RP1: variants seen among roughly 807,000 people sequenced by gnomAD.
The protein encoded by RP1 is oxygen-regulated protein 1.
In RP1, 16 loss-of-function variants were observed where a neutral mutation model predicts 14.8. The observed-to-expected ratio is 1.08, with a 90% CI of 0.73 to 1.65. The LOEUF (loss-of-function observed/expected upper bound fraction) is 1.65. Among genes scored for constraint, RP1 ranks in the 40% most tolerant of loss-of-function variants. The probability of loss-of-function intolerance (pLI) is 0.00; values close to 1 mark genes in which losing one functional copy is unlikely to be tolerated. For synonymous variants in RP1, 876 were observed against 883.6 expected, an observed-to-expected ratio of 0.99 and a Z score of 0.15; for missense variants, 2,631 against 2,535.0, an observed-to-expected ratio of 1.04 and a Z score of -0.81.
intron 12 of RP1, among the ~76,000 whole-genome samples, chr8:54,683,254 T>G (rs2129336467): frequency 6.6e-6 from 1 of 152,326 alleles, no homozygotes; most frequent in Middle Eastern, 3.4e-3. Context: ...AGCTTTGTTC[T>G]TTTTGTTTAG....
chr8:54,812,070 A>G (rs115913304), intron 24 of RP1, among the ~76,000 whole-genome samples: 5,993 of 152,376 alleles, frequency 0.039, 150 homozygotes, highest in African/African-American at 0.068. Flanking sequence ...ACCATACTAT[A>G]TCGAGACCAA....
intron 1 of RP1, among the ~76,000 whole-genome samples, chr8:54,581,420 G>T (rs1281091795): frequency 2.6e-5 from 4 of 152,158 alleles, no homozygotes; most frequent in Non-Finnish European, 4.4e-5. Flanking sequence ...GGACATTTGG[G>T]TTGGTTCCAA....
chr8:54,636,537 A>G (rs990490184), intron 3 of RP1, among the ~76,000 whole-genome samples: 2 of 152,204 alleles, frequency 1.3e-5, no homozygotes, highest in Non-Finnish European at 2.9e-5. Flanking sequence ...CAGGAGTTCA[A>G]GACCAGCCTG....
At chr8:54,785,852 A>C (rs1401406169) in intron 24 of RP1, among the ~76,000 whole-genome samples, 1 of 152,074 alleles carries the variant, frequency 6.6e-6, no homozygotes, top group Non-Finnish European at 1.5e-5. Flanking sequence ...TATCTATTCA[A>C]ATGACTTGCC....
chr8:54,581,868 A>AT (rs1351630603), intron 1 of RP1, among the ~76,000 whole-genome samples: 1 of 151,942 alleles, frequency 6.6e-6, no homozygotes, highest in Non-Finnish European at 1.5e-5. Flanking sequence ...TTTCTTGTAC[A>AT]TTTGTTTGAG....
rs114419611 is a variant in RP1 at position 54,811,031 on chromosome 8, A to G, written c.3616-26419A>G. On this transcript the variant is annotated intron_variant, in intron 24 of 28. Coordinates refer to the RP1 transcript ENST00000637698. ...ATATAGAGAATTAAGAGATAGCAGAATAAACCCTTGTTGGTTGTTTCTAGG... is the reference window on the plus strand; with the variant it reads ...ATATAGAGAATTAAGAGATAGCAGAGTAAACCCTTGTTGGTTGTTTCTAGG... Among the ~76,000 whole-genome samples the G allele has an allele frequency of 4.3e-3, 653 of 152,368 alleles. 8 individuals carry two copies. Among genetic ancestry groups the G allele is most frequent in the African/African-American group, 0.015 (627 of 41,588 alleles).
chr8:54,623,751 T>C (rs1805946145), intron 3 of RP1, among the ~76,000 whole-genome samples: 1 of 152,248 alleles, frequency 6.6e-6, no homozygotes, highest in Non-Finnish European at 1.5e-5. Flanking sequence ...AAGTGCATGC[T>C]AAATAATTAG....
chr8:54,630,072 G>A lies in RP1; in HGVS notation c.6190G>A (p.Ala2064Thr), dbSNP rs1330153982. 6.2e-7 allele frequency: 1 copy of A among 1,613,950 alleles called. No homozygotes were observed. Among genetic ancestry groups the A allele is most frequent in the Non-Finnish European group, 8.5e-7 (1 of 1,179,932 alleles). The change falls in exon 4 of 4, where the codon GCA becomes ACA. Residue 2064 changes from alanine to threonine, a missense_variant. By Grantham distance (58) the Ala-to-Thr change is moderately conservative. Transcript: ENST00000220676. ...LSGQTNEIFK[A>T]VDENNNLLNN... The stretch of plus-strand genomic sequence containing the variant: ...CGGTCAGACAAATGAAATCTTTAAA[G>A]CAGTCGATGAGAATAACAACTTATT...
At chr8:54,867,886 G>C (rs762495002) in intron 28 of RP1, among the ~76,000 whole-genome samples, 24 of 152,056 alleles carry the variant, frequency 1.6e-4, no homozygotes, top group Non-Finnish European at 2.2e-4. Context: ...GGTTGTACTA[G>C]CTACATTTCT....
chr8:54,708,308 C>G (rs2129345758), intron 15 of RP1, among the ~76,000 whole-genome samples: 1 of 151,366 alleles, frequency 6.6e-6, no homozygotes, highest in South Asian at 2.1e-4. Flanking sequence ...TGGTTGCTCA[C>G]TTTCTATTTA....
intron 17 of RP1, among the ~76,000 whole-genome samples, chr8:54,732,436 A>C (rs1808814587): frequency 6.6e-6 from 1 of 152,170 alleles, no homozygotes; most frequent in African/African-American, 2.4e-5. Context: ...GACTCTCATT[A>C]GTTATCTTTC....
intron 24 of RP1, among the ~76,000 whole-genome samples, chr8:54,823,153 C>T (rs1451222924): frequency 6.6e-6 from 1 of 152,108 alleles, no homozygotes; most frequent in East Asian, 1.9e-4. Flanking sequence ...ACTATTCCAT[C>T]CTGAGAAAGC....
chr8:54,582,468 A>G (rs1804818654), intron 1 of RP1, among the ~76,000 whole-genome samples: 1 of 150,614 alleles, frequency 6.6e-6, no homozygotes, highest in Non-Finnish European at 1.5e-5. Context: ...TTGCCTTAGG[A>G]TTGACTTGGC....
intron 27 of RP1, among the ~76,000 whole-genome samples, chr8:54,865,157 T>G (rs2129329731): frequency 6.6e-6 from 1 of 152,030 alleles, no homozygotes; most frequent in Middle Eastern, 3.4e-3. Flanking sequence ...TTCTCTCTGG[T>G]TAATAGAAAT....
chr8:54,616,989 C>A (rs1197158985), intron 1 of RP1, among the ~76,000 whole-genome samples: 1 of 152,168 alleles, frequency 6.6e-6, no homozygotes, highest in South Asian at 2.1e-4. Flanking sequence ...GTTAAAAAAT[C>A]TGCTTAATAT....
chr8:54,781,063 G>A (rs1810174061), intron 23 of RP1: 1 of 984,106 alleles, frequency 1.0e-6, no homozygotes, highest in African/African-American at 1.7e-5. Context: ...AGGAAAGTAA[G>A]CCTCCTAAGG....
intron 28 of RP1, chr8:54,866,011 C>T (rs139776153): frequency 3.0e-5 from 14 of 465,516 alleles, no homozygotes; most frequent in Middle Eastern, 5.8e-4. Context: ...AGCTGTTGGA[C>T]AACATCATTC....
At chr8:54,780,935 A>T in intron 23 of RP1, 1 of 985,156 alleles carries the variant, frequency 1.0e-6, no homozygotes, top group Non-Finnish European at 1.2e-6. Context: ...TCTCATTGTA[A>T]ATATGGAAGA....
At chr8:54,715,257 C>G (rs921375689) in intron 15 of RP1, among the ~76,000 whole-genome samples, 1 of 152,208 alleles carries the variant, frequency 6.6e-6, no homozygotes, top group Non-Finnish European at 1.5e-5. Flanking sequence ...CTGGCTATGT[C>G]TAGTTGCTGT....
Sources: allele counts gnomAD v4.1 joint callset (sites outside exome capture counted in the v4.1 genomes callset), GRCh38; gene constraint gnomAD v4.1.1; transcripts MANE v1.5; gene names NCBI Gene and HGNC (gene_info 2026-07-23, HGNC 2026-07-21).